The following GLB1 variants were observed in gnomAD, a reference collection of about 807,000 sequenced individuals.
GLB1 encodes beta-galactosidase.
A neutral mutation model predicts 74.0 loss-of-function variants in GLB1; 56 were observed. That is an observed-to-expected ratio of 0.76 (90% confidence interval 0.61 to 0.94). GLB1 has a LOEUF of 0.94. Ranked by LOEUF, GLB1 falls within the 40% of genes least tolerant of loss-of-function variation. The probability of loss-of-function intolerance (pLI) is 0.00; values close to 1 mark genes in which losing one functional copy is unlikely to be tolerated. For missense variants in GLB1, 787 were observed against 845.5 expected, an observed-to-expected ratio of 0.93 and a Z score of 0.86; for synonymous variants, 323 against 323.6, an observed-to-expected ratio of 1.00 and a Z score of 0.02.
intron 9 of GLB1, among the ~76,000 whole-genome samples, chr3:33,049,483 C>T (rs1175598183): frequency 6.6e-6 from 1 of 152,162 alleles, no homozygotes; most frequent in Non-Finnish European, 1.5e-5. Flanking sequence ...ATGGCACGAT[C>T]TCAGCTCACT....
chr3:33,011,014 G>A lies in GLB1; in HGVS notation c.1734+3042C>T, dbSNP rs572631874. Among the ~76,000 whole-genome samples, 534 of 151,992 alleles carry A rather than the reference G, an allele frequency of 3.5e-3. 4 individuals carry two copies. The highest frequency in any genetic ancestry group is 0.012 in the African/African-American group (496 of 41,446). On this transcript the variant is annotated intron_variant, in intron 15 of 15. Transcript: ENST00000307363. ...TGAGATTACAGTTACTCACCACCAC[G>A]CCTGGCTAATTTTTGTATTTTTAGT...
chr3:32,966,451 C>T, the GLB1 span, among the ~76,000 whole-genome samples: 1 of 152,218 alleles, frequency 6.6e-6, no homozygotes, highest in Non-Finnish European at 1.5e-5. Flanking sequence ...TACCCAATGC[C>T]TGTAACCCCA....
the GLB1 span, among the ~76,000 whole-genome samples, chr3:32,988,185 C>CAA: frequency 0.012 from 734 of 59,328 alleles, 9 homozygotes; most frequent in African/African-American, 0.016. Flanking sequence ...GACTCCATCT[C>CAA]AAAAAAAAAA....
At chr3:33,036,032 T>C (rs193062235) in intron 10 of GLB1, among the ~76,000 whole-genome samples, 125 of 152,290 alleles carry the variant, frequency 8.2e-4, no homozygotes, top group Admixed American at 2.4e-3. Flanking sequence ...GAAGAAGGAA[T>C]GACAAAGGGC....
At chr3:33,003,166 T>C (rs899279115) in intron 15 of GLB1, among the ~76,000 whole-genome samples, 76 of 152,258 alleles carry the variant, frequency 5.0e-4, no homozygotes, top group African/African-American at 1.7e-3. Flanking sequence ...TTGGGACAGG[T>C]CCAAATAGAA....
chr3:33,030,347 T>C (rs749795572), intron 10 of GLB1: 1 of 242,816 alleles, frequency 4.1e-6, no homozygotes, highest in Non-Finnish European at 6.6e-6. Context: ...GAAATCACTC[T>C]GGGAGAGGGA....
At position 33,043,322 on chromosome 3, in the gene GLB1, G is replaced by A. The variant is rs139942813; in HGVS notation, c.1068+2798C>T. 2.1e-3 allele frequency among the ~76,000 whole-genome samples: 324 copies of A among 152,260 alleles called. 4 individuals carry two copies. The highest frequency in any genetic ancestry group is 2.1e-3 in the Non-Finnish European group (146 of 68,026). On this transcript the variant is annotated intron_variant, in intron 10 of 15. Transcript: ENST00000307363. Reference sequence around the variant, plus strand: ...AGAGAGGGACATTAGAGGGGCTTCCGGGGAGCTATGTGTTTGTCACAGGGC... The same window carrying A: ...AGAGAGGGACATTAGAGGGGCTTCCAGGGAGCTATGTGTTTGTCACAGGGC...
the GLB1 span, among the ~76,000 whole-genome samples, chr3:32,975,236 C>A: frequency 6.6e-6 from 1 of 152,046 alleles, no homozygotes; most frequent in Non-Finnish European, 1.5e-5. Flanking sequence ...CATACACTAC[C>A]ATGCCCATAT....
intron 15 of GLB1, among the ~76,000 whole-genome samples, chr3:33,008,825 A>G (rs1696888745): frequency 6.6e-6 from 1 of 152,200 alleles, no homozygotes; most frequent in African/African-American, 2.4e-5. Flanking sequence ...GACTCTTAAA[A>G]AAAGATCGTG....
the GLB1 span, among the ~76,000 whole-genome samples, chr3:32,963,304 A>C: frequency 5.9e-5 from 9 of 152,330 alleles, no homozygotes; most frequent in African/African-American, 1.9e-4. Context: ...AAAAATATTT[A>C]AATGTAAAAA....
At chr3:33,087,576 C>T (rs1157009686) in intron 1 of GLB1, among the ~76,000 whole-genome samples, 1 of 36,380 alleles carries the variant, frequency 2.7e-5, no homozygotes, top group Non-Finnish European at 5.3e-5. Context: ...TCTCAGCATG[C>T]GCGCACACAC....
chr3:32,992,005 A>C (rs983404270), downstream of GLB1, among the ~76,000 whole-genome samples: 3 of 152,292 alleles, frequency 2.0e-5, no homozygotes, highest in African/African-American at 7.2e-5. Flanking sequence ...CCCGTGGGCA[A>C]GGAATTCAAT....
intron 4 of GLB1, among the ~76,000 whole-genome samples, chr3:33,067,677 G>C (rs1281323030): frequency 1.7e-4 from 26 of 152,180 alleles, no homozygotes; most frequent in Non-Finnish European, 1.5e-5. Context: ...CCGCAAACAG[G>C]GTTCAATACC....
intron 10 of GLB1, chr3:33,034,061 C>T: frequency 5.4e-6 from 3 of 553,248 alleles, no homozygotes; most frequent in Non-Finnish European, 1.1e-5. Flanking sequence ...GGCCTGGGCT[C>T]ACCCCACATA....
chr3:33,078,842 T>C (rs1324333212), intron 1 of GLB1, among the ~76,000 whole-genome samples: 1 of 152,182 alleles, frequency 6.6e-6, no homozygotes, highest in African/African-American at 2.4e-5. Context: ...TTTACTATTA[T>C]AATTTTTTAA....
At position 33,097,077 on chromosome 3, in the gene GLB1, C is replaced by G. The variant is rs1175346838; in HGVS notation, c.9G>C (p.Gly3=). 1.2e-6 allele frequency: 2 copies of G among 1,612,502 alleles called. No homozygotes were observed. The highest frequency in any genetic ancestry group is 1.7e-6 in the Non-Finnish European group (2 of 1,179,020). ...ACAGAGGGAGGATGCGAACCAGGAACCCCGGCATGACCACCAGCCTCCCGG... is the reference window on the plus strand; with the variant it reads ...ACAGAGGGAGGATGCGAACCAGGAAGCCCGGCATGACCACCAGCCTCCCGG... MP[G]FLVRILPLLL... Residue 3 remains glycine, a synonymous_variant, in exon 1 of 16, where the codon GGG becomes GGC. Transcript: ENST00000307363.
At chr3:33,092,992 C>G (rs375148498) in intron 1 of GLB1, 1 of 1,614,102 alleles carries the variant, frequency 6.2e-7, no homozygotes, top group African/African-American at 1.3e-5. Context: ...TAGGCTGCTA[C>G]GTTCAAGGGG....
intron 15 of GLB1, among the ~76,000 whole-genome samples, chr3:33,000,767 T>C (rs1374096449): frequency 6.6e-6 from 1 of 152,006 alleles, no homozygotes; most frequent in Non-Finnish European, 1.5e-5. Context: ...CCCAACAATA[T>C]TATACAAGAA....
chr3:33,063,962 C>A (rs1358543654), intron 5 of GLB1, among the ~76,000 whole-genome samples: 2 of 152,080 alleles, frequency 1.3e-5, no homozygotes, highest in African/African-American at 4.8e-5. Flanking sequence ...TGTCCACCGA[C>A]ACCTGAAAGG....
Sources: gnomAD v4.1 joint callset for allele counts (sites outside exome capture counted in the v4.1 genomes callset) on GRCh38, gnomAD v4.1.1 for gene constraint, MANE v1.5 for transcripts, NCBI Gene and HGNC (gene_info 2026-07-23, HGNC 2026-07-21) for gene names.